Variants in CELF4 observed in about 807,000 individuals in gnomAD.
CELF4 encodes CUG-BP- and ETR-3-like factor 4.
Under a neutral mutation model 59.9 loss-of-function variants are expected in CELF4, and 18 were observed. The ratio of observed to expected loss-of-function variants is 0.30; its 90% CI spans 0.21 to 0.45. The LOEUF is 0.45. CELF4 is among the 20% of genes least tolerant of loss of function. CELF4 has a pLI of 1.00. For synonymous variants in CELF4, 261 were observed against 267.1 expected (o/e 0.98, Z 0.22); for missense variants, 456 against 689.0 (o/e 0.66, Z 3.79).
chr18:37,502,278 C>T (rs1380135955), intron 1 of CELF4, among the ~76,000 whole-genome samples: 2 of 152,120 alleles, frequency 1.3e-5, no homozygotes, highest in African/African-American at 4.8e-5. Context: ...GTGCTGAAGC[C>T]ATTTCCATCC....
chr18:37,342,951 C>T (rs1323474224), intron 2 of CELF4, among the ~76,000 whole-genome samples: 1 of 152,152 alleles, frequency 6.6e-6, no homozygotes, highest in African/African-American at 2.4e-5. Flanking sequence ...GGGAACATGA[C>T]CCCCACTGGG....
chr18:37,430,134 C>T (rs531632175), intron 2 of CELF4, among the ~76,000 whole-genome samples: 57 of 152,264 alleles, frequency 3.7e-4, no homozygotes, highest in Admixed American at 1.8e-3. Context: ...CCCTGCCATC[C>T]GCCACCCCAC....
chr18:37,565,561 C>A lies in CELF4; in HGVS notation c.81G>T (p.Pro27=). The change falls in exon 1 of 13, where the codon CCG becomes CCT. Residue 27 remains proline, a synonymous_variant. Transcript: ENST00000420428. ...SLSTNGLGSS[P]GSAGHMNGLS... ...ATCCGTTCATGTGCCCGGCACTGCCCGGGCTGCTGCCGAGCCCGTTGGTAC... is the reference window on the plus strand; with the variant it reads ...ATCCGTTCATGTGCCCGGCACTGCCAGGGCTGCTGCCGAGCCCGTTGGTAC... 1.2e-6 allele frequency: 2 copies of A among 1,614,114 alleles called. No individual in the cohort carries two copies. The highest frequency in any genetic ancestry group is 1.1e-5 in the South Asian group (1 of 91,064).
intron 2 of CELF4, among the ~76,000 whole-genome samples, chr18:37,366,756 A>ATTT (rs2098790433): frequency 6.6e-6 from 1 of 152,176 alleles, no homozygotes; most frequent in South Asian, 2.1e-4. Flanking sequence ...TTGGGGTCAC[A>ATTT]GAACACCTGG....
At chr18:37,269,324 T>C (rs1786054) in intron 8 of CELF4, among the ~76,000 whole-genome samples, 73,675 of 152,022 alleles carry the variant, frequency 0.48, 18,347 homozygotes, top group African/African-American at 0.56. Context: ...GGAATGGGAT[T>C]AAGGAAAACT....
At chr18:37,508,247 G>C (rs535310977) in intron 1 of CELF4, among the ~76,000 whole-genome samples, 2 of 152,348 alleles carry the variant, frequency 1.3e-5, no homozygotes, top group African/African-American at 4.8e-5. Context: ...GGTGCCAGTG[G>C]AGATTGGGGT....
chr18:37,519,417 T>C (rs965535382), intron 1 of CELF4, among the ~76,000 whole-genome samples: 2 of 152,076 alleles, frequency 1.3e-5, no homozygotes, highest in African/African-American at 4.8e-5. Context: ...TGTTTGCGCC[T>C]TCCTCCCCCT....
chr18:37,423,083 G>C (rs62083620), intron 2 of CELF4, among the ~76,000 whole-genome samples: 1,413 of 56,622 alleles, frequency 0.025, 20 homozygotes, highest in African/African-American at 0.052. Context: ...CACACACACA[G>C]AGACAGAGAG....
chr18:37,482,156 C>A (rs757841645), intron 2 of CELF4, among the ~76,000 whole-genome samples: 1 of 152,190 alleles, frequency 6.6e-6, no homozygotes, highest in South Asian at 2.1e-4. Context: ...CAACTCCAAG[C>A]GGGGAGGTGG....
At chr18:37,429,132 TATA>T (rs1210644907) in intron 2 of CELF4, among the ~76,000 whole-genome samples, 2 of 152,216 alleles carry the variant, frequency 1.3e-5, no homozygotes, top group Non-Finnish European at 2.9e-5. Context: ...TTGCTTACTT[TATA>T]ACAGGGGCTG....
intron 1 of CELF4, among the ~76,000 whole-genome samples, chr18:37,504,826 G>A (rs1464120108): frequency 1.3e-5 from 2 of 152,216 alleles, no homozygotes; most frequent in Admixed American, 1.3e-4. Context: ...GCGCTACCTG[G>A]AATTATGGAT....
intron 1 of CELF4, among the ~76,000 whole-genome samples, chr18:37,541,597 A>C (rs1427646226): frequency 6.6e-6 from 1 of 152,088 alleles, no homozygotes; most frequent in Non-Finnish European, 1.5e-5. Flanking sequence ...TAACCTTAGA[A>C]AACAATTCAG....
intron 2 of CELF4, among the ~76,000 whole-genome samples, chr18:37,482,493 AT>A (rs1171438181): frequency 6.6e-6 from 1 of 152,058 alleles, no homozygotes; most frequent in South Asian, 2.1e-4. Flanking sequence ...ATAATAATCC[AT>A]TTGTGCCACT....
At chr18:37,409,156 G>T (rs1018982325) in intron 2 of CELF4, among the ~76,000 whole-genome samples, 2 of 152,210 alleles carry the variant, frequency 1.3e-5, no homozygotes, top group Non-Finnish European at 1.5e-5. Context: ...GCTCTCCCTG[G>T]CGATTTGATT....
chr18:37,511,139 C>T (rs1171556751), intron 1 of CELF4, among the ~76,000 whole-genome samples: 1 of 152,226 alleles, frequency 6.6e-6, no homozygotes, highest in Non-Finnish European at 1.5e-5. Flanking sequence ...CAGGACCTTT[C>T]ACCAACCTCT....
At chr18:37,425,316 T>C (rs755766807) in intron 2 of CELF4, among the ~76,000 whole-genome samples, 2 of 152,216 alleles carry the variant, frequency 1.3e-5, no homozygotes, top group Non-Finnish European at 2.9e-5. Flanking sequence ...TGTCCATTAA[T>C]GTATCTGCTT....
At chr18:37,318,211 G>A (rs1045746515) in intron 3 of CELF4, among the ~76,000 whole-genome samples, 1 of 151,914 alleles carries the variant, frequency 6.6e-6, no homozygotes, top group African/African-American at 2.4e-5. Context: ...GGCCACTGCT[G>A]GCTTCTGCTC....
At chr18:37,488,173 C>T (rs2099885619) in intron 1 of CELF4, among the ~76,000 whole-genome samples, 2 of 152,170 alleles carry the variant, frequency 1.3e-5, no homozygotes, top group African/African-American at 4.8e-5. Context: ...ATGAGACCTC[C>T]TCAGAGACAC....
At chr18:37,470,202 G>A (rs978844094) in intron 2 of CELF4, among the ~76,000 whole-genome samples, 2 of 152,184 alleles carry the variant, frequency 1.3e-5, no homozygotes, top group Non-Finnish European at 2.9e-5. Context: ...ATTTTGATTG[G>A]CAAATAAGCA....
Sources: allele counts gnomAD v4.1 joint callset (sites outside exome capture counted in the v4.1 genomes callset), GRCh38; gene constraint gnomAD v4.1.1; transcripts MANE v1.5; gene names NCBI Gene and HGNC (gene_info 2026-07-23, HGNC 2026-07-21).